The following TMTC1 variants were observed in gnomAD, a reference collection of about 807,000 sequenced individuals.
The protein encoded by TMTC1 is protein O-mannosyl-transferase TMTC1.
Under a neutral mutation model 104.8 loss-of-function variants are expected in TMTC1, and 73 were observed. The ratio of observed to expected loss-of-function variants is 0.70; its 90% CI spans 0.58 to 0.85. The LOEUF (loss-of-function observed/expected upper bound fraction) is 0.85. TMTC1 is among the 40% of genes least tolerant of loss of function. The pLI, the probability that TMTC1 is intolerant of heterozygous loss-of-function variation, is 0.00. For synonymous variants in TMTC1, 434 were observed against 428.7 expected, an observed-to-expected ratio of 1.01 and a Z score of -0.15; for missense variants, 1,035 against 1,096.1, an observed-to-expected ratio of 0.94 and a Z score of 0.79.
At chr12:29,531,301 G>GA (rs1275657985) in intron 11 of TMTC1, among the ~76,000 whole-genome samples, 1 of 152,180 alleles carries the variant, frequency 6.6e-6, no homozygotes, top group African/African-American at 2.4e-5. Context: ...TTGTAGGAGA[G>GA]AACCTACCTG....
At position 29,663,348 on chromosome 12, in the gene TMTC1, G is replaced by A. The variant is rs571875397; in HGVS notation, c.939-30012C>T. Among the ~76,000 whole-genome samples the A allele has an allele frequency of 3.9e-5, 6 of 152,132 alleles. No individual in the cohort carries two copies. In the South Asian group the frequency reaches 1.2e-3, roughly 31 times the overall value. ...AAAGGTGCTGGGGAGGGCTGGAGAA[G>A]TAATACATCTGAATAAAAAGGCACT... is the stretch of plus-strand genomic sequence containing the variant. On this transcript the variant is annotated intron_variant, in intron 5 of 17. Transcript: ENST00000539277.
At chr12:29,546,469 C>G (rs1944945281) in intron 10 of TMTC1, among the ~76,000 whole-genome samples, 1 of 152,102 alleles carries the variant, frequency 6.6e-6, no homozygotes, top group Admixed American at 6.6e-5. Context: ...TTATTTCATG[C>G]TTCCTGGGAC....
chr12:29,641,128 AC>A (rs1237377318), intron 5 of TMTC1: 1 of 151,952 alleles, frequency 6.6e-6, no homozygotes, highest in Non-Finnish European at 1.5e-5. Context: ...GCCCAGCCCT[AC>A]CCCCACCTGA....
intron 7 of TMTC1, among the ~76,000 whole-genome samples, chr12:29,600,383 TA>T (rs1946533069): frequency 6.6e-6 from 1 of 152,128 alleles, no homozygotes; most frequent in African/African-American, 2.4e-5. Context: ...TCAATATTTA[TA>T]AAATGGCTTT....
Position 29,783,388 on chromosome 12 carries a change from G to A in TMTC1, c.302+62C>T. 8.0e-7 allele frequency: 1 copy of A among 1,256,708 alleles called. No individual in the cohort carries two copies. The allele number at this position is 1,256,708 out of a possible 1,614,324, so 77.8% of individuals were successfully genotyped here. The stretch of plus-strand genomic sequence containing the variant: ...CAAGTCAGTCCCGCAACTTCTCCCG[G>A]TCCGAGGGACGGGCGGAGGGTAGAG... On this transcript the variant is annotated intron_variant, in intron 1 of 17. Coordinates refer to ENST00000539277, the MANE Select transcript of TMTC1 (RefSeq NM_001193451.2). This position sits in a 1 kb window ranked among gnomAD's most constrained non-coding sequence, Gnocchi z 4.7.
chr12:29,772,156 G>A (rs996970772), intron 1 of TMTC1, among the ~76,000 whole-genome samples: 2 of 152,060 alleles, frequency 1.3e-5, no homozygotes, highest in African/African-American at 2.4e-5. Context: ...TATTTATCAG[G>A]GTTTTAAAAA....
chr12:29,520,473 G>C lies in TMTC1; in HGVS notation c.1888+145C>G, dbSNP rs192177915. ...AGCTTGAAGATCTAGAGAAATGACA[G>C]CCCCGAGGTATAATGACTGTCAATA... On this transcript the variant is annotated intron_variant, in intron 12 of 17. Coordinates refer to ENST00000539277, the MANE Select transcript of TMTC1 (RefSeq NM_001193451.2). 684 of 677,868 alleles carry C rather than the reference G, an allele frequency of 1.0e-3. 5 individuals are homozygous for C. The African/African-American group carries it at 0.011, about 11-fold the overall frequency. 42.0% of individuals were successfully genotyped at this position (677,868 alleles called of 1,614,324 possible).
intron 10 of TMTC1, among the ~76,000 whole-genome samples, chr12:29,544,616 A>C (rs1472824788): frequency 6.6e-6 from 1 of 152,178 alleles, no homozygotes; most frequent in Non-Finnish European, 1.5e-5. Flanking sequence ...CTGCATCTGC[A>C]GGGCTGGTTC....
At chr12:29,677,587 A>G (rs2136702871) in intron 5 of TMTC1, among the ~76,000 whole-genome samples, 1 of 152,370 alleles carries the variant, frequency 6.6e-6, no homozygotes, top group South Asian at 2.1e-4. Context: ...TAGGAAATGG[A>G]AAATTCCAGA....
At chr12:29,669,619 A>G (rs1181286294) in intron 5 of TMTC1, among the ~76,000 whole-genome samples, 2 of 152,238 alleles carry the variant, frequency 1.3e-5, no homozygotes, top group Non-Finnish European at 2.9e-5. Context: ...TATCATAAGA[A>G]TAAGTGAGAA....
chr12:29,703,215 A>G (rs916979920), intron 5 of TMTC1, among the ~76,000 whole-genome samples: 2 of 152,120 alleles, frequency 1.3e-5, no homozygotes, highest in African/African-American at 4.8e-5. Flanking sequence ...GTGGCAGGAA[A>G]AAAACAAAAT....
intron 1 of TMTC1, among the ~76,000 whole-genome samples, chr12:29,776,520 T>C (rs1170013570): frequency 6.6e-6 from 1 of 152,346 alleles, no homozygotes; most frequent in East Asian, 1.9e-4. Context: ...CTGAAAAATC[T>C]GAGCAGTCAC....
intron 8 of TMTC1, among the ~76,000 whole-genome samples, chr12:29,573,670 C>T (rs1945742514): frequency 6.6e-6 from 1 of 152,120 alleles, no homozygotes; most frequent in African/African-American, 2.4e-5. Flanking sequence ...AAATTAGCCT[C>T]TGGAGGAAGA....
intron 7 of TMTC1, among the ~76,000 whole-genome samples, chr12:29,599,916 G>A (rs1946509310): frequency 1.4e-5 from 2 of 146,234 alleles, no homozygotes; most frequent in African/African-American, 5.3e-5. Flanking sequence ...GTATATATAT[G>A]TGTATATATA....
intron 7 of TMTC1, among the ~76,000 whole-genome samples, chr12:29,596,143 A>G (rs1375658324): frequency 6.6e-6 from 1 of 152,080 alleles, no homozygotes; most frequent in African/African-American, 2.4e-5. Context: ...AGTAGCTGCG[A>G]TTACAGGCAT....
rs1943885568 is a variant in TMTC1 at position 29,783,525 on chromosome 12, TTGG to T, written c.224_226del (p.Thr75del). The T allele has an allele frequency of 1.4e-6, 2 of 1,455,866 alleles. No individual in the cohort carries two copies. Among genetic ancestry groups the T allele is most frequent in the African/African-American group, 2.9e-5 (2 of 69,004 alleles). 90.2% of individuals were successfully genotyped at this position (1,455,866 alleles called of 1,614,324 possible). ...GGCCATGCCCTTGCCCCAGAAGTCG[TTGG>T]TGAAGATGCCCCAGCGGAGCGGGGC... is the stretch of plus-strand genomic sequence containing the variant. On this transcript the variant is annotated inframe_deletion, in exon 1 of 18. Coordinates refer to ENST00000539277, the MANE Select transcript of TMTC1 (RefSeq NM_001193451.2). The surrounding 1 kb of genome is among the most constrained non-coding windows in gnomAD (Gnocchi z 4.7).
intron 1 of TMTC1, among the ~76,000 whole-genome samples, chr12:29,769,740 G>A (rs1196731265): frequency 6.6e-6 from 1 of 152,108 alleles, no homozygotes; most frequent in Non-Finnish European, 1.5e-5. Context: ...CACTGACAAG[G>A]ATGAGAGAAA....
At chr12:29,623,930 T>G (rs1179758472) in intron 6 of TMTC1, among the ~76,000 whole-genome samples, 1 of 152,164 alleles carries the variant, frequency 6.6e-6, no homozygotes, top group Admixed American at 6.5e-5. Context: ...CCCCACCTCC[T>G]GCACTCCATG....
chr12:29,691,203 A>G (rs1941256079), intron 5 of TMTC1, among the ~76,000 whole-genome samples: 2 of 152,202 alleles, frequency 1.3e-5, no homozygotes, highest in Non-Finnish European at 2.9e-5. Flanking sequence ...TGTAAAACCT[A>G]AGCTCAGTGC....
Sources: allele counts gnomAD v4.1 joint callset (sites outside exome capture counted in the v4.1 genomes callset), GRCh38; gene constraint gnomAD v4.1.1; non-coding constraint Gnocchi (gnomAD v3.1); transcripts MANE v1.5; gene names NCBI Gene and HGNC (gene_info 2026-07-23, HGNC 2026-07-21).